The following PLD4 variants were observed in gnomAD, a reference collection of about 807,000 sequenced individuals.
PLD4 encodes the protein phospholipase D family member 4, also known as 5'-3' exonuclease PLD4.
Under a neutral mutation model 52.3 loss-of-function variants are expected in PLD4, and 54 were observed. The observed-to-expected ratio is 1.03, with a 90% CI of 0.83 to 1.30. The LOEUF is 1.30. PLD4 is among the 50% of genes most tolerant of loss of function. The probability of loss-of-function intolerance (pLI) is 0.00; values close to 1 mark genes in which losing one functional copy is unlikely to be tolerated. For synonymous variants in PLD4, 264 were observed against 286.5 expected (o/e 0.92, Z 0.79); for missense variants, 731 against 671.1 (o/e 1.09, Z -0.99).
In PLD4 at chr14:104,932,075, C is replaced by T; in HGVS notation, c.1122C>T (p.Arg374=). The change falls in exon 9 of 11, where the codon CGC becomes CGT. Residue 374 remains arginine (R), a synonymous_variant. Transcript: ENST00000392593. The surrounding 1 kb of genome is among the most constrained non-coding windows in gnomAD (Gnocchi z 6.5). ...AAAFGKGVRV[R]LLVGCGLNTD... ...CCTTCGGCAAGGGCGTGCGCGTGCG[C>T]CTGCTGGTCGGCTGCGGACTCAACA... The T allele has an allele frequency of 6.2e-7, 1 of 1,609,594 alleles. No homozygotes were observed. Among genetic ancestry groups the T allele is most frequent in the South Asian group, 1.1e-5 (1 of 90,754 alleles).
At chr14:104,931,004 A>C in intron 7 of PLD4, 62 bp downstream of exon 7, 1 of 1,563,228 alleles carries the variant, frequency 6.4e-7, no homozygotes, top group Non-Finnish European at 8.8e-7. Flanking sequence ...GGCCAGACCC[A>C]CAGGGAGCCC....
intron 3 of PLD4, among the ~76,000 whole-genome samples, chr14:104,928,114 C>T (rs1335319123): frequency 2.0e-5 from 3 of 152,012 alleles, no homozygotes; most frequent in East Asian, 1.9e-4. Context: ...GAGAACACTG[C>T]CTGTGCTGAG....
At position 104,932,495 on chromosome 14, in the gene PLD4, G is replaced by T. The variant is rs868239720; in HGVS notation, c.1321+140G>T. ...GGGGACGGGGTCTCCATGGAGTTCC[G>T]GGGACCAGGCCACCCGCCTGTCACC... On this transcript the variant is annotated intron_variant, in intron 10 of 10. Transcript: ENST00000392593. This position sits in a 1 kb window ranked among gnomAD's most constrained non-coding sequence, Gnocchi z 6.5. 3.2e-5 allele frequency: 33 copies of T among 1,018,370 alleles called. No homozygotes were observed. The Admixed American group carries it at 7.8e-4, about 24-fold the overall frequency. The allele number at this position is 1,018,370 out of a possible 1,614,324, so 63.1% of individuals were successfully genotyped here. A position where few individuals can be genotyped will look rare whatever the true frequency, so the allele number is the denominator to read the frequency against.
At position 104,927,793 on chromosome 14, in the gene PLD4, T is replaced by C; in HGVS notation, c.211T>C (p.Ser71Pro). The change falls in exon 3 of 11, where the codon TCC becomes CCC. Residue 71 changes from serine to proline, a missense_variant. Coordinates refer to ENST00000392593, the MANE Select transcript of PLD4 (RefSeq NM_138790.5). ...GQVQPKDVPR[S>P]WEHGSSPAWE... ...GGTGCAGCCCAAGGACGTGCCCAGG[T>C]CCTGGGAGCATGGCTCCAGCCCAGC... The C allele has an allele frequency of 6.3e-7, 1 of 1,598,236 alleles. No individual in the cohort carries two copies. Among genetic ancestry groups the C allele is most frequent in the Non-Finnish European group, 8.5e-7 (1 of 1,177,022 alleles).
chr14:104,930,018 G>A lies in PLD4; in HGVS notation c.630G>A (p.Arg210=). 1 of 1,613,644 alleles carries A rather than the reference G, an allele frequency of 6.2e-7. No individual in the cohort carries two copies. Among genetic ancestry groups the A allele is most frequent in the Non-Finnish European group, 8.5e-7 (1 of 1,179,986 alleles). ...AGGTGCCCATGGGGCGGCTCACCAG[G>A]GGTGTTTTGCACTCCAAATTCTGGG... is the stretch of plus-strand genomic sequence containing the variant. ...VRQVPMGRLT[R]GVLHSKFWVV... The change falls in exon 6 of 11, where the codon AGG becomes AGA. Residue 210 remains arginine (R), a synonymous_variant. Coordinates refer to ENST00000392593, the MANE Select transcript of PLD4 (RefSeq NM_138790.5).
In PLD4 at chr14:104,929,306, G is replaced by A; in HGVS notation, c.469-1G>A. On this transcript the variant is annotated splice_acceptor_variant, in intron 4 of 10. Transcript: ENST00000392593. LOFTEE classifies it high-confidence loss of function. Reference sequence around the variant, plus strand: ...CTCTCATGGCTGGCCTGGCCTTGCAGGGAGAGGCTCTTCTGCAGAAGCTGC... The same window carrying A: ...CTCTCATGGCTGGCCTGGCCTTGCAAGGAGAGGCTCTTCTGCAGAAGCTGC... 6.3e-7 allele frequency: 1 copy of A among 1,584,456 alleles called. No homozygotes were observed. Among genetic ancestry groups the A allele is most frequent in the South Asian group, 1.2e-5 (1 of 86,650 alleles).
rs557407179 is a variant in PLD4, at chr14:104,932,634, C to A, written c.1322-131C>A. The A allele has an allele frequency of 2.4e-5, 24 of 998,596 alleles. No homozygotes were observed. The African/African-American group carries it at 3.9e-4, about 16-fold the overall frequency. The allele number at this position is 998,596 out of a possible 1,614,324, so 61.9% of individuals were successfully genotyped here. On this transcript the variant is annotated intron_variant, in intron 10 of 10. Transcript: ENST00000392593. This position sits in a 1 kb window ranked among gnomAD's most constrained non-coding sequence, Gnocchi z 6.5. ...GCACCTAAGCGAGGGGCTTCCCCGG[C>A]TGGAGTCTGATGACAGTGGAGGGGC...
chr14:104,929,052 C>A, intron 4 of PLD4, 120 bp downstream of exon 4: 3 of 1,344,152 alleles, frequency 2.2e-6, no homozygotes, highest in South Asian at 2.9e-5. Flanking sequence ...TAGGGTCTAG[C>A]ATGGAACAGG....
rs968561939 is a variant in PLD4, at chr14:104,933,011, C to T, written c.*47C>T. ...GCGACCCCGCCCCGCACGCGCCCTC[C>T]CCTCTGACCCCGGCCTGGGCTTCAG... On this transcript the variant is annotated 3_prime_UTR_variant, in exon 11 of 11. Coordinates refer to ENST00000392593, the MANE Select transcript of PLD4 (RefSeq NM_138790.5). The T allele has an allele frequency of 2.5e-5, 38 of 1,495,974 alleles. No homozygotes were observed. Among genetic ancestry groups the T allele is most frequent in the Non-Finnish European group, 3.3e-5 (37 of 1,122,510 alleles). The allele number at this position is 1,495,974 out of a possible 1,614,324, so 92.7% of individuals were successfully genotyped here. A position where few individuals can be genotyped will look rare whatever the true frequency, so the allele number is the denominator to read the frequency against.
Position 104,931,746 on chromosome 14 carries a change from A to C in PLD4, c.919-2A>C. The C allele has an allele frequency of 6.3e-7, 1 of 1,584,708 alleles. No homozygotes were observed. The highest frequency in any genetic ancestry group is 8.6e-7 in the Non-Finnish European group (1 of 1,166,636). ...CCTTCAGGGATTTCTCTCCCGTCAC[A>C]GGCGTCGCCACCAGCACTCTGTCCC... On this transcript the variant is annotated splice_acceptor_variant, in intron 7 of 10. Coordinates refer to ENST00000392593, the MANE Select transcript of PLD4 (RefSeq NM_138790.5). LOFTEE classifies it high-confidence loss of function.
At chr14:104,930,160 A>C in intron 6 of PLD4, 55 bp downstream of exon 6, 1 of 1,601,056 alleles carries the variant, frequency 6.2e-7, no homozygotes, top group Non-Finnish European at 8.5e-7. Context: ...CCCCGCCTGC[A>C]CTCCTGGGGA....
intron 4 of PLD4, 47 bp downstream of exon 4, chr14:104,928,979 C>A (rs535077912): frequency 6.4e-7 from 1 of 1,554,108 alleles, no homozygotes; most frequent in Non-Finnish European, 8.7e-7. Flanking sequence ...GGAAACACAG[C>A]AAGTCAGGCT....
At chr14:104,927,465 G>A (rs559171659) in intron 2 of PLD4, among the ~76,000 whole-genome samples, 5 of 152,282 alleles carry the variant, frequency 3.3e-5, no homozygotes, top group African/African-American at 1.2e-4. Context: ...TGGGCTGCAG[G>A]CCCCCTGACC....
chr14:104,932,629 C>T lies in PLD4; in HGVS notation c.1322-136C>T. 1 of 974,730 alleles carries T rather than the reference C, an allele frequency of 1.0e-6. No homozygotes were observed. Among genetic ancestry groups the T allele is most frequent in the South Asian group, 1.7e-5 (1 of 57,544 alleles). 60.4% of individuals were successfully genotyped at this position (974,730 alleles called of 1,614,324 possible). On this transcript the variant is annotated intron_variant, in intron 10 of 10. Transcript: ENST00000392593. This position sits in a 1 kb window ranked among gnomAD's most constrained non-coding sequence, Gnocchi z 6.5. Reference sequence around the variant, plus strand: ...CTCCCGCACCTAAGCGAGGGGCTTCCCCGGCTGGAGTCTGATGACAGTGGA... The same window carrying T: ...CTCCCGCACCTAAGCGAGGGGCTTCTCCGGCTGGAGTCTGATGACAGTGGA...
downstream of PLD4, chr14:104,935,545 C>T (rs1344406499): frequency 9.2e-5 from 14 of 152,306 alleles, no homozygotes. Context: ...TATGCATGCC[C>T]TTGTGTGATC....
chr14:104,932,253 C>T lies in PLD4; in HGVS notation c.1225-6C>T. 1 of 1,612,652 alleles carries T rather than the reference C, an allele frequency of 6.2e-7. No individual in the cohort carries two copies. The highest frequency in any genetic ancestry group is 1.3e-5 in the African/African-American group (1 of 75,050). On this transcript the variant is annotated splice_region_variant and splice_polypyrimidine_tract_variant and intron_variant, in intron 9 of 10. Transcript: ENST00000392593. The surrounding 1 kb of genome is among the most constrained non-coding windows in gnomAD (Gnocchi z 6.5). ...CTTCCTGACGCGCTGCCTCTGCTCC[C>T]CTAAGAAAGTCTTCATCGTGCCGGT...
In PLD4 at chr14:104,932,675, C is replaced by A; in HGVS notation, c.1322-90C>A. ...GTGGAGGGGCCAGCTGCCAACCGTC[C>A]CCAAACCCGTAGCCGGGCCTGGCGC... On this transcript the variant is annotated intron_variant, in intron 10 of 10. Coordinates refer to ENST00000392593, the MANE Select transcript of PLD4 (RefSeq NM_138790.5). The surrounding 1 kb of genome is among the most constrained non-coding windows in gnomAD (Gnocchi z 6.5). 1 of 1,338,880 alleles carries A rather than the reference C, an allele frequency of 7.5e-7. No individual in the cohort carries two copies. Among genetic ancestry groups the A allele is most frequent in the Non-Finnish European group, 1.0e-6 (1 of 997,462 alleles). 82.9% of individuals were successfully genotyped at this position (1,338,880 alleles called of 1,614,324 possible).
intron 5 of PLD4, among the ~76,000 whole-genome samples, chr14:104,929,762 G>A (rs1045552238): frequency 2.0e-5 from 3 of 152,208 alleles, no homozygotes; most frequent in Non-Finnish European, 4.4e-5. Context: ...TCACCACAAA[G>A]GCAGGCTCTG....
At chr14:104,931,199 G>A (rs532069914) in intron 7 of PLD4, among the ~76,000 whole-genome samples, 2 of 152,222 alleles carry the variant, frequency 1.3e-5, no homozygotes, top group Non-Finnish European at 2.9e-5. Context: ...GAAACAGGCC[G>A]CCTGGGAGGT....
Sources: allele counts gnomAD v4.1 joint callset (sites outside exome capture counted in the v4.1 genomes callset), GRCh38; gene constraint gnomAD v4.1.1; non-coding constraint Gnocchi (gnomAD v3.1); transcripts MANE v1.5; gene names NCBI Gene and HGNC (gene_info 2026-07-23, HGNC 2026-07-21).